The following TRHDE variants were observed in gnomAD, a reference collection of about 807,000 sequenced individuals.
TRHDE encodes the protein thyrotropin releasing hormone degrading enzyme.
A neutral mutation model predicts 125.7 loss-of-function variants in TRHDE; 72 were observed. The ratio of observed to expected loss-of-function variants is 0.57; its 90% CI spans 0.47 to 0.70. The LOEUF is 0.70. Among genes scored for constraint, TRHDE ranks in the 30% least tolerant of loss-of-function variants. The pLI, the probability that TRHDE is intolerant of heterozygous loss-of-function variation, is 0.00. For missense variants in TRHDE, 1,110 were observed against 1,327.1 expected, an observed-to-expected ratio of 0.84 and a Z score of 2.54; for synonymous variants, 509 against 509.1, an observed-to-expected ratio of 1.00 and a Z score of 0.00.
chr12:72,546,429 T>C (rs988668619), intron 7 of TRHDE, among the ~76,000 whole-genome samples: 6 of 151,632 alleles, frequency 4.0e-5, no homozygotes, highest in Non-Finnish European at 7.4e-5. Flanking sequence ...AATGTTCTAT[T>C]GAAACAGTCA....
chr12:72,272,343 A>C (rs911745571), upstream of TRHDE: 1 of 358,162 alleles, frequency 2.8e-6, no homozygotes, highest in Non-Finnish European at 5.5e-6. The surrounding 1 kb of genome is among the most constrained non-coding windows in gnomAD (Gnocchi z 6.7). Flanking sequence ...CGGGGGCAGC[A>C]TGTGCCCCGC....
intron 6 of TRHDE, among the ~76,000 whole-genome samples, chr12:72,513,975 T>A (rs1878716364): frequency 1.3e-5 from 2 of 151,922 alleles, no homozygotes; most frequent in South Asian, 4.2e-4. Context: ...GAAAGAAAAT[T>A]TCTCCTGAAA....
chr12:72,202,833 C>G (rs1313397368), intron 2 of TRHDE, among the ~76,000 whole-genome samples: 1 of 152,054 alleles, frequency 6.6e-6, no homozygotes, highest in Non-Finnish European at 1.5e-5. Flanking sequence ...ATCTTTTATT[C>G]TAATAAAATG....
intron 2 of TRHDE, among the ~76,000 whole-genome samples, chr12:72,196,543 G>T (rs1392515321): frequency 6.6e-6 from 1 of 151,978 alleles, no homozygotes; most frequent in Non-Finnish European, 1.5e-5. Flanking sequence ...CATTATTTGT[G>T]TACAGAAATG....
chr12:72,526,966 T>C (rs542379593), intron 6 of TRHDE, among the ~76,000 whole-genome samples: 57 of 152,292 alleles, frequency 3.7e-4, no homozygotes, highest in African/African-American at 1.3e-3. Context: ...CATCTAGTTT[T>C]AAACAATTAT....
intron 6 of TRHDE, among the ~76,000 whole-genome samples, chr12:72,505,420 G>A (rs1405164324): frequency 2.0e-5 from 3 of 152,128 alleles, no homozygotes; most frequent in African/African-American, 4.8e-5. Flanking sequence ...AAAGCACAAA[G>A]GAAACAAGAA....
chr12:72,589,843 C>G (rs1312086423), intron 12 of TRHDE, among the ~76,000 whole-genome samples: 1 of 151,746 alleles, frequency 6.6e-6, no homozygotes, highest in African/African-American at 2.4e-5. Flanking sequence ...CTCAAAGAAT[C>G]GGTTTCTGGT....
Position 72,631,532 on chromosome 12 carries a change from G to A in TRHDE, c.2675+9781G>A, listed in dbSNP as rs76806362. ...CATAATGCATTTCACTGCTTTTCAC[G>A]TAAAAAGAAAACAGGAAGCTCAAAA... On this transcript the variant is annotated intron_variant, in intron 15 of 18. Coordinates refer to ENST00000261180, the MANE Select transcript of TRHDE (RefSeq NM_013381.3). Among the ~76,000 whole-genome samples, 480 of 151,792 alleles carry A rather than the reference G, an allele frequency of 3.2e-3. 1 individual carries two copies. The highest frequency in any genetic ancestry group is 5.2e-3 in the Non-Finnish European group (353 of 67,806).
chr12:72,549,146 A>G (rs1284101129), intron 7 of TRHDE, among the ~76,000 whole-genome samples: 1 of 151,874 alleles, frequency 6.6e-6, no homozygotes, highest in Non-Finnish European at 1.5e-5. Context: ...TATCATTATT[A>G]TTGGTTTGTG....
chr12:72,260,256 A>C (rs1011131338), intron 2 of TRHDE, among the ~76,000 whole-genome samples: 2 of 152,166 alleles, frequency 1.3e-5, no homozygotes, highest in South Asian at 2.1e-4. Context: ...ATCTACTCAA[A>C]TTCTTTCTCC....
At chr12:72,508,135 C>A (rs1202592207) in intron 6 of TRHDE, among the ~76,000 whole-genome samples, 1 of 152,132 alleles carries the variant, frequency 6.6e-6, no homozygotes. Context: ...CATAGAGAAT[C>A]TCTACTAGGG....
At chr12:72,550,847 A>C (rs995193368) in intron 7 of TRHDE, among the ~76,000 whole-genome samples, 6 of 151,998 alleles carry the variant, frequency 3.9e-5, no homozygotes, top group African/African-American at 1.4e-4. Flanking sequence ...CACTAAGTAA[A>C]CAGGATTCTT....
chr12:72,361,343 A>C (rs1021156194), intron 2 of TRHDE, among the ~76,000 whole-genome samples: 8 of 151,910 alleles, frequency 5.3e-5, no homozygotes. Context: ...AGCTGAATAA[A>C]AGATTGGATT....
chr12:72,435,278 C>T (rs1874688052), intron 3 of TRHDE, among the ~76,000 whole-genome samples: 1 of 152,192 alleles, frequency 6.6e-6, no homozygotes, highest in Non-Finnish European at 1.5e-5. Context: ...GTTTAATAAT[C>T]TGTCCTCCCC....
intron 2 of TRHDE, among the ~76,000 whole-genome samples, chr12:72,368,966 T>C (rs1871455092): frequency 6.6e-6 from 1 of 152,156 alleles, no homozygotes; most frequent in Admixed American, 6.6e-5. Flanking sequence ...CTCAGGATTC[T>C]TCCCAGCATG....
At chr12:72,151,589 G>T (rs1876367010) in intron 2 of TRHDE, among the ~76,000 whole-genome samples, 1 of 151,828 alleles carries the variant, frequency 6.6e-6, no homozygotes, top group South Asian at 2.1e-4. Flanking sequence ...GTAAGGAAGG[G>T]ATCCAGTTTC....
chr12:72,424,276 A>G (rs1207826837), intron 3 of TRHDE, among the ~76,000 whole-genome samples: 1 of 152,062 alleles, frequency 6.6e-6, no homozygotes, highest in Non-Finnish European at 1.5e-5. Flanking sequence ...CTGTCATCAC[A>G]TGACATTCTT....
At chr12:72,379,702 C>A (rs1047613765) in intron 3 of TRHDE, among the ~76,000 whole-genome samples, 10 of 152,172 alleles carry the variant, frequency 6.6e-5, no homozygotes, top group Admixed American at 3.9e-4. Flanking sequence ...CATTTCTGTT[C>A]CTCTGTTTCA....
intron 2 of TRHDE, among the ~76,000 whole-genome samples, chr12:72,165,928 G>C (rs1258473837): frequency 6.6e-6 from 1 of 152,064 alleles, no homozygotes; most frequent in African/African-American, 2.4e-5. Flanking sequence ...GCCCGCCATG[G>C]CCTCCCAAAG....
Sources: gnomAD v4.1 joint callset for allele counts (sites outside exome capture counted in the v4.1 genomes callset) on GRCh38, gnomAD v4.1.1 for gene constraint, Gnocchi (gnomAD v3.1) non-coding constraint, MANE v1.5 for transcripts, NCBI Gene and HGNC (gene_info 2026-07-23, HGNC 2026-07-21) for gene names.